The following FRYL variants were observed in gnomAD, a reference collection of about 807,000 sequenced individuals.
FRYL encodes FRY like transcription coactivator, also known as protein furry homolog-like.
Under a neutral mutation model 351.2 loss-of-function variants are expected in FRYL, and 150 were observed. That is an observed-to-expected ratio of 0.43 (90% confidence interval 0.37 to 0.49). The LOEUF is 0.49. Among genes scored for constraint, FRYL ranks in the 20% least tolerant of loss-of-function variants. The pLI is 0.00. For synonymous variants in FRYL, 1,153 were observed against 1,257.1 expected (o/e 0.92, Z 1.75); for missense variants, 3,036 against 3,619.3 (o/e 0.84, Z 4.13).
intron 1 of FRYL, among the ~76,000 whole-genome samples, chr4:48,740,288 GA>G (rs1196980355): frequency 2.2e-4 from 27 of 120,820 alleles, no homozygotes; most frequent in Non-Finnish European, 4.4e-4. Flanking sequence ...AAAACAATCT[GA>G]TTTTTTTTTT....
intron 1 of FRYL, among the ~76,000 whole-genome samples, chr4:48,765,325 T>G (rs530696412): frequency 2.6e-5 from 4 of 151,926 alleles, no homozygotes; most frequent in African/African-American, 9.7e-5. Flanking sequence ...TAGAACAAAA[T>G]AGAGAGCCCA....
rs1240979904 is a variant in FRYL, at chr4:48,527,570, C to T, written c.7224G>A (p.Glu2408=). ...LISTTEDINQ[E]EEVAVEDNSS... ...TATTATCTTCCACAGCTACTTCTTC[C>T]TCTTGATTTATGTCTTCTGTTGTAG... is the stretch of plus-strand genomic sequence containing the variant. The change falls in exon 53 of 64, where the codon GAG becomes GAA. Residue 2408 remains glutamate, a synonymous_variant. Transcript: ENST00000358350. The T allele has an allele frequency of 6.2e-7, 1 of 1,613,234 alleles. No homozygotes were observed. The highest frequency in any genetic ancestry group is 8.5e-7 in the Non-Finnish European group (1 of 1,179,450).
At chr4:48,514,764 T>C (rs1174215515) in intron 56 of FRYL, among the ~76,000 whole-genome samples, 1 of 152,262 alleles carries the variant, frequency 6.6e-6, no homozygotes, top group Non-Finnish European at 1.5e-5. Context: ...AAATGTGGAA[T>C]ACCACTTACT....
intron 3 of FRYL, among the ~76,000 whole-genome samples, chr4:48,660,644 G>A (rs1673709138): frequency 6.6e-6 from 1 of 152,030 alleles, no homozygotes; most frequent in Non-Finnish European, 1.5e-5. Flanking sequence ...GGAAGAAATG[G>A]GTAATTTCAT....
Position 48,500,018 on chromosome 4 carries a change from G to C in FRYL, c.8783+12C>G. On this transcript the variant is annotated intron_variant, in intron 63 of 63. Coordinates refer to ENST00000358350, the MANE Select transcript of FRYL (RefSeq NM_015030.2). ...TTTAAAGGCATCACCTTTAAATCCC[G>C]TCACGTTTTACCTGAAAGCTTTGAC... 6.4e-7 allele frequency: 1 copy of C among 1,550,572 alleles called. No homozygotes were observed. The highest frequency in any genetic ancestry group is 8.7e-7 in the Non-Finnish European group (1 of 1,150,490).
intron 1 of FRYL, among the ~76,000 whole-genome samples, chr4:48,726,508 C>A (rs192668938): frequency 5.3e-4 from 81 of 152,192 alleles, no homozygotes; most frequent in African/African-American, 1.9e-3. Context: ...ATGGTGAAAC[C>A]CTGTCTCTAC....
chr4:48,575,027 C>A (rs1264320097), intron 25 of FRYL, 90 bp downstream of exon 25: 1 of 1,288,912 alleles, frequency 7.8e-7, no homozygotes, highest in Non-Finnish European at 1.1e-6. Context: ...CTCTGCTTGA[C>A]CCTACCACAC....
chr4:48,564,932 C>A lies in FRYL; in HGVS notation c.3441+1G>T. 6.6e-7 allele frequency: 1 copy of A among 1,517,090 alleles called. No homozygotes were observed. The highest frequency in any genetic ancestry group is 9.1e-7 in the Non-Finnish European group (1 of 1,096,504). The allele number at this position is 1,517,090 out of a possible 1,614,324, so 94.0% of individuals were successfully genotyped here. On this transcript the variant is annotated splice_donor_variant, in intron 30 of 63. Coordinates refer to ENST00000358350, the MANE Select transcript of FRYL (RefSeq NM_015030.2). LOFTEE classifies it high-confidence loss of function. ...ACCTTTAAGGAAATTGTCATAATTA[C>A]CTTTTTGTCCAGAGAATCCAAAATG...
At chr4:48,586,816 G>A (rs1578233970) in intron 18 of FRYL, 88 bp from the exon 19 acceptor site, 25 of 810,844 alleles carry the variant, frequency 3.1e-5, no homozygotes, top group East Asian at 5.4e-5. Flanking sequence ...CAGAAAGTGC[G>A]AGTCCTCCCC....
At chr4:48,630,806 A>C (rs1752827369) in intron 4 of FRYL, among the ~76,000 whole-genome samples, 1 of 152,186 alleles carries the variant, frequency 6.6e-6, no homozygotes, top group African/African-American at 2.4e-5. Context: ...TTCTTTCAGC[A>C]AAAGCCATTC....
In FRYL at chr4:48,549,653, C is replaced by G. The variant is rs772845933; in HGVS notation, c.4634-30G>C. On this transcript the variant is annotated intron_variant, in intron 38 of 63. Coordinates refer to ENST00000358350, the MANE Select transcript of FRYL (RefSeq NM_015030.2). This position sits in a 1 kb window ranked among gnomAD's most constrained non-coding sequence, Gnocchi z 4.2. ...CAAGATAAAATGATCTCATTTTCTA[C>G]ACCATCTAATTTCTGCCAATATAAG... The G allele has an allele frequency of 1.3e-6, 2 of 1,577,412 alleles. No homozygotes were observed. The highest frequency in any genetic ancestry group is 2.3e-5 in the South Asian group (2 of 87,272).
At position 48,702,455 on chromosome 4, in the gene FRYL, C is replaced by CAAAA. The variant is rs34675617; in HGVS notation, c.-204+8060_-204+8063dup. ...TGGGTGACAGGGTGAGACTCTGTCTCAAAAAAAAAAAAAAAAAAAAAAAAA... is the reference window on the plus strand; with the variant it reads ...TGGGTGACAGGGTGAGACTCTGTCTCAAAAAAAAAAAAAAAAAAAAAAAAAAAAA... On this transcript the variant is annotated intron_variant, in intron 2 of 63. Transcript: ENST00000358350. Among the ~76,000 whole-genome samples the CAAAA allele has an allele frequency of 3.4e-4, 10 of 29,448 alleles. 3 individuals are homozygous for CAAAA. Among genetic ancestry groups the CAAAA allele is most frequent in the Non-Finnish European group, 5.7e-4 (10 of 17,686 alleles). The allele number at this position is 29,448 out of a possible 152,430, so 19.3% of individuals were successfully genotyped here.
chr4:48,588,325 T>G (rs1742561169), intron 18 of FRYL, among the ~76,000 whole-genome samples: 1 of 152,244 alleles, frequency 6.6e-6, no homozygotes, highest in Non-Finnish European at 1.5e-5. Context: ...ATATTAAATA[T>G]AAGTTTGACT....
intron 37 of FRYL, among the ~76,000 whole-genome samples, chr4:48,551,081 A>AG (rs34284290): frequency 1.8e-4 from 27 of 151,922 alleles, no homozygotes; most frequent in Non-Finnish European, 3.7e-4. Flanking sequence ...AAAAAAAAAA[A>AG]GGACACAGTA....
chr4:48,659,529 A>G (rs1226296268), intron 3 of FRYL, among the ~76,000 whole-genome samples: 1 of 1,898 alleles, frequency 5.3e-4, no homozygotes, highest in African/African-American at 8.7e-4. Context: ...AAGAGGGAGA[A>G]GGAGAAGAGG....
At position 48,505,539 on chromosome 4, in the gene FRYL, A is replaced by AAACTT; in HGVS notation, c.8463+3_8463+7dup. On this transcript the variant is annotated splice_region_variant and intron_variant, in intron 60 of 63. Coordinates refer to ENST00000358350, the MANE Select transcript of FRYL (RefSeq NM_015030.2). The stretch of plus-strand genomic sequence containing the variant: ...TGTATGTTGCAAAAACAGGAACAAG[A>AAACTT]AACTTACTTGTGCATCTGTGTTTAT... 6.3e-7 allele frequency: 1 copy of AAACTT among 1,579,206 alleles called. No homozygotes were observed. The highest frequency in any genetic ancestry group is 8.7e-7 in the Non-Finnish European group (1 of 1,151,010).
In FRYL at chr4:48,570,926, A is replaced by G. The variant is rs1738172630; in HGVS notation, c.2905-8T>C. 6.3e-7 allele frequency: 1 copy of G among 1,599,658 alleles called. No individual in the cohort carries two copies. The highest frequency in any genetic ancestry group is 1.1e-5 in the South Asian group (1 of 90,772). On this transcript the variant is annotated splice_region_variant and splice_polypyrimidine_tract_variant and intron_variant, in intron 26 of 63. Coordinates refer to ENST00000358350, the MANE Select transcript of FRYL (RefSeq NM_015030.2). ...CCTGCGCCGTTTCATATTCTATTCC[A>G]AAGATACAAACACATTAATTAAAAT...
chr4:48,722,088 C>T (rs1207121412), intron 1 of FRYL, among the ~76,000 whole-genome samples: 1 of 152,126 alleles, frequency 6.6e-6, no homozygotes, highest in Admixed American at 6.5e-5. Context: ...AGCCCAAATT[C>T]TATTATTATA....
At chr4:48,578,915 T>C (rs1740263490) in intron 23 of FRYL, 58 bp downstream of exon 23, 1 of 1,431,994 alleles carries the variant, frequency 7.0e-7, no homozygotes, top group Middle Eastern at 1.8e-4. Flanking sequence ...TTCAAATAAA[T>C]ACATATGAAA....
Sources: allele counts gnomAD v4.1 joint callset (sites outside exome capture counted in the v4.1 genomes callset), GRCh38; gene constraint gnomAD v4.1.1; non-coding constraint Gnocchi (gnomAD v3.1); transcripts MANE v1.5; gene names NCBI Gene and HGNC (gene_info 2026-07-23, HGNC 2026-07-21).